Variants in KIAA0586 observed in about 807,000 individuals in gnomAD.
KIAA0586 encodes KIAA0586.
A neutral mutation model predicts 169.8 loss-of-function variants in KIAA0586; 144 were observed. That is an observed-to-expected ratio of 0.85 (90% CI 0.74 to 0.97). KIAA0586 has a LOEUF of 0.97. Ranked by LOEUF, KIAA0586 falls within the 50% of genes least tolerant of loss-of-function variation. The probability of loss-of-function intolerance (pLI) is 0.00; values close to 1 mark genes in which losing one functional copy is unlikely to be tolerated. For missense variants in KIAA0586, 1,854 were observed against 1,823.0 expected (o/e 1.02, Z -0.31); for synonymous variants, 625 against 612.4 (o/e 1.02, Z -0.30).
the KIAA0586 span, among the ~76,000 whole-genome samples, chr14:58,561,478 G>A: frequency 6.6e-6 from 1 of 152,090 alleles, no homozygotes; most frequent in Non-Finnish European, 1.5e-5. Flanking sequence ...GTTAGAATTG[G>A]CCCTTCTTTG....
chr14:58,444,158 C>A lies in KIAA0586; in HGVS notation c.790C>A (p.Gln264Lys), dbSNP rs1057516038. The A allele has an allele frequency of 1.9e-6, 3 of 1,606,966 alleles. No homozygotes were observed. Among genetic ancestry groups the A allele is most frequent in the Non-Finnish European group, 2.6e-6 (3 of 1,174,032 alleles). ...AAGGCATCTTGAAAAGTTACAACAA[C>A]AACAAATAGATATTCAGGTATCTGT... ...HIRHLEKLQQ[Q>K]QIDIQTHFIS... Residue 264 changes from glutamine to lysine, a missense_variant, in exon 6 of 31, where the codon CAA (glutamine) becomes AAA (lysine). By Grantham distance (53) the Gln-to-Lys change is moderately conservative. Coordinates refer to ENST00000652326, the MANE Select transcript of KIAA0586 (RefSeq NM_001329943.3).
intron 30 of KIAA0586, among the ~76,000 whole-genome samples, chr14:58,544,131 G>A (rs889796269): frequency 3.9e-5 from 6 of 152,086 alleles, no homozygotes; most frequent in Admixed American, 3.9e-4. Flanking sequence ...TTGGTTTTCT[G>A]TTCCTGCATT....
intron 22 of KIAA0586, among the ~76,000 whole-genome samples, chr14:58,487,609 A>G (rs1029597585): frequency 6.7e-6 from 1 of 148,184 alleles, no homozygotes; most frequent in Non-Finnish European, 1.5e-5. Flanking sequence ...CCGTCTCACA[A>G]AAAAAAAAAA....
intron 29 of KIAA0586, chr14:58,521,383 T>TTA: frequency 1.1e-6 from 1 of 929,810 alleles, no homozygotes; most frequent in Non-Finnish European, 1.7e-6. Context: ...GGCTTTGCCT[T>TTA]TGTTTAGTAT....
At chr14:58,431,413 C>G (rs2037360554) in intron 3 of KIAA0586, among the ~76,000 whole-genome samples, 1 of 152,080 alleles carries the variant, frequency 6.6e-6, no homozygotes, top group African/African-American at 2.4e-5. Context: ...CAGGTGCACA[C>G]CACCACACCC....
chr14:58,462,986 G>T (rs1287491868), intron 14 of KIAA0586, among the ~76,000 whole-genome samples: 2 of 152,112 alleles, frequency 1.3e-5, no homozygotes, highest in Admixed American at 6.5e-5. Context: ...CTCCCGTGAC[G>T]CATGGGGATC....
At chr14:58,522,260 A>T (rs2045280901) in intron 29 of KIAA0586, among the ~76,000 whole-genome samples, 1 of 152,172 alleles carries the variant, frequency 6.6e-6, no homozygotes, top group African/African-American at 2.4e-5. Flanking sequence ...AATAAAAAGG[A>T]TATGTGGTTT....
At chr14:58,488,925 C>T in intron 24 of KIAA0586, 51 bp downstream of exon 24, 1 of 1,529,058 alleles carries the variant, frequency 6.5e-7, no homozygotes. Flanking sequence ...TGCTAATTCC[C>T]TAAGTAATAC....
At chr14:58,558,783 G>T in the KIAA0586 span, among the ~76,000 whole-genome samples, 2 of 152,200 alleles carry the variant, frequency 1.3e-5, no homozygotes, top group Non-Finnish European at 2.9e-5. Flanking sequence ...AGTCTTTCCC[G>T]TTAGGTTTAT....
At chr14:58,543,396 G>C (rs1337858333) in intron 30 of KIAA0586, among the ~76,000 whole-genome samples, 2 of 152,162 alleles carry the variant, frequency 1.3e-5, no homozygotes, top group Middle Eastern at 3.2e-3. Flanking sequence ...CTTCACTGCT[G>C]TATTCTCCAG....
intron 20 of KIAA0586, among the ~76,000 whole-genome samples, chr14:58,478,214 G>A (rs1369459886): frequency 5.3e-5 from 8 of 152,170 alleles, no homozygotes; most frequent in Non-Finnish European, 1.0e-4. Flanking sequence ...GGCACACAGT[G>A]GCTCACGCCT....
rs1306476831 is a variant in KIAA0586 at position 58,467,865 on chromosome 14, C to A, written c.2385C>A (p.Asn795Lys). ...RKVETGVKKP[N>K]IAIVEMKSEK... ...TAGAAACTGGAGTAAAGAAACCTAA[C>A]ATAGCCATTGTAGAAATGAAGTCAG... The change falls in exon 16 of 31, where the codon AAC becomes AAA. Residue 795 changes from asparagine (N) to lysine (K), a missense_variant. Asn to Lys is a moderately conservative substitution (Grantham distance 94). Transcript: ENST00000652326. The A allele has an allele frequency of 6.2e-7, 1 of 1,613,580 alleles. No homozygotes were observed. Among genetic ancestry groups the A allele is most frequent in the Non-Finnish European group, 8.5e-7 (1 of 1,179,712 alleles).
At chr14:58,494,797 A>C (rs992101344) in intron 26 of KIAA0586, among the ~76,000 whole-genome samples, 2 of 152,138 alleles carry the variant, frequency 1.3e-5, no homozygotes, top group African/African-American at 2.4e-5. Flanking sequence ...GACAGATTTC[A>C]TCTATAGTTG....
chr14:58,444,916 A>G (rs1743732), intron 6 of KIAA0586, among the ~76,000 whole-genome samples: 118,298 of 122,424 alleles, frequency 0.97, 57,163 homozygotes, highest in Non-Finnish European at 0.99. Context: ...ATCTCTTAGG[A>G]AAAAAAAAAA....
chr14:58,428,731 T>C (rs1239251616), intron 1 of KIAA0586, among the ~76,000 whole-genome samples: 1 of 150,544 alleles, frequency 6.6e-6, no homozygotes, highest in Non-Finnish European at 1.5e-5. Context: ...GTGGATACAC[T>C]TAACTTGTAT....
rs2036993991 is a variant in KIAA0586, at chr14:58,428,093, T to TA, written c.-171dup. ...GGATTAATGGGTAAATATGACTTTA[T>TA]AGTCAGCTCTAATCCTGGATTCAAT... On this transcript the variant is annotated 5_prime_UTR_variant, in exon 1 of 31. The change creates a premature stop within an existing upstream ORF in the 5' untranslated region. Coordinates refer to ENST00000652326, the MANE Select transcript of KIAA0586 (RefSeq NM_001329943.3). 2 of 1,453,678 alleles carry TA rather than the reference T, an allele frequency of 1.4e-6. No homozygotes were observed. The highest frequency in any genetic ancestry group is 1.8e-6 in the Non-Finnish European group (2 of 1,107,656). 90.0% of individuals were successfully genotyped at this position (1,453,678 alleles called of 1,614,324 possible).
intron 1 of KIAA0586, among the ~76,000 whole-genome samples, 171 bp from the exon 2 acceptor site, chr14:58,429,192 A>C (rs1460398692): frequency 6.6e-6 from 1 of 152,158 alleles, no homozygotes; most frequent in East Asian, 1.9e-4. Flanking sequence ...AACTGTAAAA[A>C]CTTTCATTCA....
chr14:58,549,634 T>G lies in KIAA0586; in HGVS notation c.*1702T>G, dbSNP rs947312353. On this transcript the variant is annotated 3_prime_UTR_variant, in exon 31 of 31. Transcript: ENST00000652326. ...TTGGACAGTTCTGCTTATAACAGTT[T>G]CCTTTAAACAAGTGGAAGAAAAATT... 2 of 152,220 alleles carry G rather than the reference T, an allele frequency of 1.3e-5. No individual in the cohort carries two copies. The highest frequency in any genetic ancestry group is 6.5e-5 in the Admixed American group (1 of 15,284). 9.4% of individuals were successfully genotyped at this position (152,220 alleles called of 1,614,324 possible).
chr14:58,513,882 C>G (rs2044567168), intron 29 of KIAA0586, among the ~76,000 whole-genome samples: 1 of 151,956 alleles, frequency 6.6e-6, no homozygotes, highest in African/African-American at 2.4e-5. Context: ...TTTTTCTCAG[C>G]TGATAGGAAA....
Sources: allele counts gnomAD v4.1 joint callset (sites outside exome capture counted in the v4.1 genomes callset), GRCh38; gene constraint gnomAD v4.1.1; transcripts MANE v1.5; gene names NCBI Gene and HGNC (gene_info 2026-07-23, HGNC 2026-07-21).